Variants in TRABD2B observed in about 807,000 individuals in gnomAD.
TRABD2B encodes the protein metalloprotease TIKI2.
TRABD2B carries 14 observed loss-of-function variants against 40.1 expected under a neutral mutation model. That is an observed-to-expected ratio of 0.35 (90% CI 0.23 to 0.55). The LOEUF (loss-of-function observed/expected upper bound fraction) is 0.55. Ranked by LOEUF, TRABD2B falls within the 20% of genes least tolerant of loss-of-function variation. The pLI, the probability that TRABD2B is intolerant of heterozygous loss-of-function variation, is 0.90. For synonymous variants in TRABD2B, 263 were observed against 277.0 expected (o/e 0.95, Z 0.50); for missense variants, 541 against 648.6 (o/e 0.83, Z 1.80).
chr1:47,866,207 C>T (rs923546480), intron 2 of TRABD2B, among the ~76,000 whole-genome samples: 1 of 151,616 alleles, frequency 6.6e-6, no homozygotes, highest in Non-Finnish European at 1.5e-5. Context: ...CAAGCAGGAA[C>T]GAGCAGACCC....
At chr1:47,768,076 T>G (rs1644329033) in intron 6 of TRABD2B, among the ~76,000 whole-genome samples, 1 of 152,206 alleles carries the variant, frequency 6.6e-6, no homozygotes, top group Non-Finnish European at 1.5e-5. Context: ...TGTCCTGGCT[T>G]GACGTATGTC....
intron 2 of TRABD2B, among the ~76,000 whole-genome samples, chr1:47,957,488 A>G (rs1279543598): frequency 6.6e-6 from 1 of 152,206 alleles, no homozygotes; most frequent in African/African-American, 2.4e-5. Context: ...CGAATGGCTA[A>G]CTAGAATAAA....
rs1166227367 is a variant in TRABD2B, at chr1:47,764,628, G to A, written c.*1274C>T. Reference sequence around the variant, plus strand: ...CGACACATGGCACATGCAGTTGCCAGAGCCCTTTGGCCAGAGGGGTCAACA... The same window carrying A: ...CGACACATGGCACATGCAGTTGCCAAAGCCCTTTGGCCAGAGGGGTCAACA... On this transcript the variant is annotated 3_prime_UTR_variant, in exon 7 of 7. Coordinates refer to ENST00000606738, the MANE Select transcript of TRABD2B (RefSeq NM_001194986.2). 1 of 152,230 alleles carries A rather than the reference G, an allele frequency of 6.6e-6. No homozygotes were observed. Among genetic ancestry groups the A allele is most frequent in the Non-Finnish European group, 1.5e-5 (1 of 68,054 alleles). 9.4% of individuals were successfully genotyped at this position (152,230 alleles called of 1,614,324 possible). A position where few individuals can be genotyped will look rare whatever the true frequency, so the allele number is the denominator to read the frequency against.
At chr1:47,954,763 C>T (rs1210593666) in intron 2 of TRABD2B, among the ~76,000 whole-genome samples, 10 of 152,148 alleles carry the variant, frequency 6.6e-5, no homozygotes, top group Non-Finnish European at 1.3e-4. Flanking sequence ...CAGGAAGTTG[C>T]ACTCTTTTTG....
chr1:47,928,111 C>T (rs184007692), intron 2 of TRABD2B, among the ~76,000 whole-genome samples: 18 of 152,268 alleles, frequency 1.2e-4, no homozygotes, highest in South Asian at 2.1e-4. Flanking sequence ...GTCCATGGAA[C>T]GTAACCCCTT....
At chr1:47,931,992 G>A (rs1645045957) in intron 2 of TRABD2B, among the ~76,000 whole-genome samples, 2 of 152,188 alleles carry the variant, frequency 1.3e-5, no homozygotes, top group Admixed American at 1.3e-4. Flanking sequence ...TTAACGGAGG[G>A]TTTTGGGCCT....
intron 4 of TRABD2B, among the ~76,000 whole-genome samples, chr1:47,790,447 C>G (rs1338548462): frequency 6.6e-6 from 1 of 152,198 alleles, no homozygotes; most frequent in Admixed American, 6.5e-5. Flanking sequence ...TCAAGGTTGT[C>G]ACACATTTGC....
intron 6 of TRABD2B, among the ~76,000 whole-genome samples, chr1:47,767,505 C>G (rs1193707549): frequency 6.6e-6 from 1 of 152,210 alleles, no homozygotes; most frequent in East Asian, 1.9e-4. Context: ...AACCTTTGGA[C>G]CTCATGACAA....
intron 2 of TRABD2B, among the ~76,000 whole-genome samples, chr1:47,838,754 C>T (rs1445986271): frequency 6.6e-6 from 1 of 152,164 alleles, no homozygotes; most frequent in Non-Finnish European, 1.5e-5. Flanking sequence ...ATGGCTGACG[C>T]CCAGAAGAGT....
At chr1:47,895,280 A>G (rs1644502080) in intron 2 of TRABD2B, among the ~76,000 whole-genome samples, 1 of 152,086 alleles carries the variant, frequency 6.6e-6, no homozygotes, top group Non-Finnish European at 1.5e-5. Flanking sequence ...AGCCCAGCCC[A>G]ACACCCGCTT....
At chr1:47,849,156 G>C (rs1045278210) in intron 2 of TRABD2B, among the ~76,000 whole-genome samples, 6 of 152,152 alleles carry the variant, frequency 3.9e-5, no homozygotes, top group African/African-American at 1.4e-4. Context: ...CCCACCCCCA[G>C]GACCTCAGAA....
chr1:47,931,310 A>G (rs2148341445), intron 2 of TRABD2B, among the ~76,000 whole-genome samples: 1 of 152,290 alleles, frequency 6.6e-6, no homozygotes, highest in African/African-American at 2.4e-5. Flanking sequence ...CCTCTAATGC[A>G]GGCCCATGAA....
chr1:47,899,063 T>C (rs1644563040), intron 2 of TRABD2B, among the ~76,000 whole-genome samples: 1 of 152,244 alleles, frequency 6.6e-6, no homozygotes, highest in Non-Finnish European at 1.5e-5. Context: ...CCACTGAGTC[T>C]TTCTGGATGT....
At chr1:47,970,663 C>T (rs189847965) in intron 2 of TRABD2B, among the ~76,000 whole-genome samples, 4 of 152,100 alleles carry the variant, frequency 2.6e-5, no homozygotes, top group East Asian at 1.9e-4. Flanking sequence ...GTGGGTCAGC[C>T]GGGGGTTGGT....
chr1:47,860,894 T>C (rs1395041347), intron 2 of TRABD2B, among the ~76,000 whole-genome samples: 2 of 152,192 alleles, frequency 1.3e-5, no homozygotes, highest in Non-Finnish European at 2.9e-5. Context: ...CAGCACCATG[T>C]CCTTCAACTC....
At chr1:47,790,945 T>C (rs1644662943) in intron 4 of TRABD2B, among the ~76,000 whole-genome samples, 1 of 152,162 alleles carries the variant, frequency 6.6e-6, no homozygotes, top group Admixed American at 6.5e-5. Context: ...ACTGAGGCCC[T>C]TGGAGGTGAA....
intron 2 of TRABD2B, among the ~76,000 whole-genome samples, chr1:47,862,346 T>C (rs1193902075): frequency 2.0e-5 from 3 of 152,148 alleles, no homozygotes; most frequent in Non-Finnish European, 4.4e-5. Flanking sequence ...TCTGAAAGAA[T>C]TGTCAAAAAA....
At chr1:47,803,234 A>C (rs896669609) in intron 2 of TRABD2B, among the ~76,000 whole-genome samples, 2 of 152,190 alleles carry the variant, frequency 1.3e-5, no homozygotes, top group African/African-American at 4.8e-5. Context: ...TAATGGCCCT[A>C]AACCTTAGCC....
intron 6 of TRABD2B, among the ~76,000 whole-genome samples, chr1:47,766,707 T>TG (rs1222701741): frequency 1.3e-5 from 2 of 152,084 alleles, no homozygotes; most frequent in African/African-American, 4.8e-5. Flanking sequence ...GTGTGGTGGC[T>TG]GGCGGGGAGG....
Sources: gnomAD v4.1 joint callset for allele counts (sites outside exome capture counted in the v4.1 genomes callset) on GRCh38, gnomAD v4.1.1 for gene constraint, MANE v1.5 for transcripts, NCBI Gene and HGNC (gene_info 2026-07-23, HGNC 2026-07-21) for gene names.